Variants in PIP4K2A observed in about 807,000 individuals in gnomAD.
PIP4K2A encodes phosphatidylinositol-5-phosphate 4-kinase type 2 alpha.
PIP4K2A carries 14 observed loss-of-function variants against 42.9 expected under a neutral mutation model. The observed-to-expected ratio is 0.33, with a 90% confidence interval of 0.22 to 0.51. The LOEUF is 0.51. PIP4K2A is among the 20% of genes least tolerant of loss of function. PIP4K2A has a pLI of 0.97. For synonymous variants in PIP4K2A, 192 were observed against 192.2 expected (o/e 1.00, Z 0.01); for missense variants, 434 against 519.8 (o/e 0.83, Z 1.61).
chr10:22,625,515 T>C (rs1045532983), intron 1 of PIP4K2A, among the ~76,000 whole-genome samples: 1 of 152,204 alleles, frequency 6.6e-6, no homozygotes, highest in African/African-American at 2.4e-5. Context: ...ATCTGGAGTC[T>C]ATTGTTCTAA....
At chr10:22,620,494 G>T (rs1588668451) in intron 1 of PIP4K2A, among the ~76,000 whole-genome samples, 1 of 152,334 alleles carries the variant, frequency 6.6e-6, no homozygotes, top group East Asian at 1.9e-4. Flanking sequence ...TCTTGATCTC[G>T]CTTTATACTT....
intron 1 of PIP4K2A, among the ~76,000 whole-genome samples, chr10:22,668,497 A>G (rs887038061): frequency 3.3e-5 from 5 of 152,220 alleles, no homozygotes; most frequent in Non-Finnish European, 7.3e-5. Flanking sequence ...ATCATACAAA[A>G]TAAAAACCCT....
chr10:22,535,500 C>G lies in PIP4K2A; in HGVS notation c.*1701G>C, dbSNP rs1445558742. On this transcript the variant is annotated 3_prime_UTR_variant, in exon 10 of 10. Coordinates refer to ENST00000376573, the MANE Select transcript of PIP4K2A (RefSeq NM_005028.5). The stretch of plus-strand genomic sequence containing the variant: ...ACACGGGGCACAGCTGCAATCTGGA[C>G]AGCCCTGAAGTAAAGTTCCTGGAAA... 6.6e-6 allele frequency: 1 copy of G among 152,238 alleles called. No homozygotes were observed. Among genetic ancestry groups the G allele is most frequent in the Admixed American group, 6.5e-5 (1 of 15,288 alleles). 9.4% of individuals were successfully genotyped at this position (152,238 alleles called of 1,614,324 possible).
At chr10:22,682,380 C>T (rs1296098572) in intron 1 of PIP4K2A, among the ~76,000 whole-genome samples, 2 of 152,204 alleles carry the variant, frequency 1.3e-5, no homozygotes, top group African/African-American at 4.8e-5. Flanking sequence ...AGTATGCACA[C>T]CTTGCCTTTA....
chr10:22,535,914 T>A lies in PIP4K2A; in HGVS notation c.*1287A>T, dbSNP rs936861543. 3 of 390,324 alleles carry A rather than the reference T, an allele frequency of 7.7e-6. No homozygotes were observed. Among genetic ancestry groups the A allele is most frequent in the Non-Finnish European group, 4.5e-6 (1 of 221,134 alleles). The allele number at this position is 390,324 out of a possible 1,614,324, so 24.2% of individuals were successfully genotyped here. A position where few individuals can be genotyped will look rare whatever the true frequency, so the allele number is the denominator to read the frequency against. On this transcript the variant is annotated 3_prime_UTR_variant, in exon 10 of 10. Transcript: ENST00000376573. ...GGAAAAAAAAATCCTTTTCCTTTTATTGTGAAAGACTGTCTACCATGTACT... is the reference window on the plus strand; with the variant it reads ...GGAAAAAAAAATCCTTTTCCTTTTAATGTGAAAGACTGTCTACCATGTACT...
At chr10:22,657,891 AGTTT>A (rs1310663889) in intron 1 of PIP4K2A, among the ~76,000 whole-genome samples, 1 of 151,904 alleles carries the variant, frequency 6.6e-6, no homozygotes, top group African/African-American at 2.4e-5. Flanking sequence ...CAAATCTAGT[AGTTT>A]TTTTTCTGGA....
chr10:22,562,529 A>ACT (rs1324085675), intron 6 of PIP4K2A, among the ~76,000 whole-genome samples: 1 of 152,234 alleles, frequency 6.6e-6, no homozygotes, highest in Non-Finnish European at 1.5e-5. Context: ...AGCCTGGGTG[A>ACT]CAGAGCGAGA....
intron 5 of PIP4K2A, among the ~76,000 whole-genome samples, chr10:22,573,079 G>C (rs967295930): frequency 6.6e-6 from 1 of 152,154 alleles, no homozygotes; most frequent in Non-Finnish European, 1.5e-5. Context: ...AACAGTGCCT[G>C]GTATGCAGTT....
chr10:22,627,572 A>T (rs1484455468), intron 1 of PIP4K2A, among the ~76,000 whole-genome samples: 1 of 137,154 alleles, frequency 7.3e-6, no homozygotes, highest in African/African-American at 2.8e-5. Flanking sequence ...CATTTGTTTA[A>T]CCAAAAGCTA....
At chr10:22,541,704 G>T in intron 8 of PIP4K2A, 100 bp downstream of exon 8, 1 of 1,310,168 alleles carries the variant, frequency 7.6e-7, no homozygotes. Flanking sequence ...GAGTGCTGCC[G>T]GGCAGCACCC....
chr10:22,560,948 C>T (rs377250951), intron 6 of PIP4K2A, among the ~76,000 whole-genome samples: 3 of 152,334 alleles, frequency 2.0e-5, no homozygotes, highest in South Asian at 4.1e-4. Flanking sequence ...CCTGCTGAGT[C>T]GCTCGCTAGC....
intron 1 of PIP4K2A, among the ~76,000 whole-genome samples, chr10:22,682,184 T>G (rs1195009313): frequency 6.6e-6 from 1 of 152,224 alleles, no homozygotes; most frequent in Non-Finnish European, 1.5e-5. Flanking sequence ...ACACCATCCC[T>G]GTGTAGAGAG....
intron 1 of PIP4K2A, among the ~76,000 whole-genome samples, chr10:22,691,992 G>A (rs1839880199): frequency 6.6e-6 from 1 of 152,118 alleles, no homozygotes; most frequent in African/African-American, 2.4e-5. Context: ...AGGGACTGGG[G>A]TGGTGTGGGG....
chr10:22,703,100 C>T (rs1348888882), intron 1 of PIP4K2A, among the ~76,000 whole-genome samples: 1 of 152,086 alleles, frequency 6.6e-6, no homozygotes, highest in Non-Finnish European at 1.5e-5. Context: ...TAATAGGAGC[C>T]AACCATCCAA....
chr10:22,685,430 T>G (rs569897251), intron 1 of PIP4K2A, among the ~76,000 whole-genome samples: 2 of 152,262 alleles, frequency 1.3e-5, no homozygotes, highest in Admixed American at 6.6e-5. Context: ...CACAGTGGCT[T>G]GCACCTGTGA....
chr10:22,563,471 C>T (rs1241006647), intron 6 of PIP4K2A, among the ~76,000 whole-genome samples: 1 of 152,104 alleles, frequency 6.6e-6, no homozygotes, highest in African/African-American at 2.4e-5. Context: ...ATTTATTTCA[C>T]TACTTTAGAA....
chr10:22,690,793 G>A (rs1839853006), intron 1 of PIP4K2A, among the ~76,000 whole-genome samples: 1 of 152,210 alleles, frequency 6.6e-6, no homozygotes, highest in Non-Finnish European at 1.5e-5. Flanking sequence ...GAAATAGTCT[G>A]GCCCCAAGGC....
At chr10:22,677,186 G>A (rs918279490) in intron 1 of PIP4K2A, among the ~76,000 whole-genome samples, 2 of 152,094 alleles carry the variant, frequency 1.3e-5, no homozygotes, top group Non-Finnish European at 2.9e-5. Context: ...GGCCCAGCTG[G>A]GGTTGAGAAT....
At chr10:22,545,034 G>T (rs576029125) in intron 7 of PIP4K2A, among the ~76,000 whole-genome samples, 1 of 152,192 alleles carries the variant, frequency 6.6e-6, no homozygotes, top group East Asian at 1.9e-4. Flanking sequence ...AGCCCCAAAC[G>T]GGGCTCTAAG....
Sources: allele counts gnomAD v4.1 joint callset (sites outside exome capture counted in the v4.1 genomes callset), GRCh38; gene constraint gnomAD v4.1.1; transcripts MANE v1.5; gene names NCBI Gene and HGNC (gene_info 2026-07-23, HGNC 2026-07-21).